KIAA0753: variants seen among roughly 807,000 people sequenced by gnomAD.
KIAA0753 encodes the protein KIAA0753.
KIAA0753 carries 114 observed loss-of-function variants against 116.9 expected under a neutral mutation model. That is an observed-to-expected ratio of 0.98 (90% confidence interval 0.84 to 1.14). The LOEUF (loss-of-function observed/expected upper bound fraction) is 1.14, where lower values mean the gene tolerates loss of function less well. Ranked by LOEUF, KIAA0753 falls within the 50% of genes most tolerant of loss-of-function variation. The probability of loss-of-function intolerance (pLI) is 0.00; values close to 1 mark genes in which losing one functional copy is unlikely to be tolerated. For synonymous variants in KIAA0753, 405 were observed against 413.1 expected (o/e 0.98, Z 0.24); for missense variants, 1,156 against 1,172.4 (o/e 0.99, Z 0.20).
intron 2 of KIAA0753, among the ~76,000 whole-genome samples, chr17:6,630,414 G>A (rs1971955515): frequency 1.3e-5 from 2 of 151,986 alleles, no homozygotes; most frequent in Admixed American, 1.3e-4. Context: ...CTTATGGAGG[G>A]GAATTTGGCA....
chr17:6,586,129 A>G (rs1485578648), intron 18 of KIAA0753, among the ~76,000 whole-genome samples: 1 of 151,316 alleles, frequency 6.6e-6, no homozygotes, highest in Non-Finnish European at 1.5e-5. Flanking sequence ...ATTCTCCCCC[A>G]CCCCTTGCTT....
intron 7 of KIAA0753, among the ~76,000 whole-genome samples, chr17:6,615,277 C>T (rs958310864): frequency 2.0e-5 from 3 of 152,060 alleles, no homozygotes; most frequent in African/African-American, 7.2e-5. Flanking sequence ...ACGCTCCCTG[C>T]CTGTTAGTCA....
intron 12 of KIAA0753, 40 bp downstream of exon 12, chr17:6,606,824 ATTAGAACAG>A: frequency 6.6e-7 from 1 of 1,512,208 alleles, no homozygotes. Context: ...ATCTAGATCA[ATTAGAACAG>A]GCAAACATCC....
intron 1 of KIAA0753, chr17:6,637,325 G>C (rs1972391235): frequency 2.0e-5 from 3 of 152,216 alleles, no homozygotes; most frequent in African/African-American, 7.2e-5. Context: ...CTTCTCCACA[G>C]GCCTGAGACA....
intron 12 of KIAA0753, among the ~76,000 whole-genome samples, chr17:6,601,527 A>G (rs1597500211): frequency 1.3e-5 from 2 of 152,344 alleles, no homozygotes; most frequent in East Asian, 3.9e-4. Context: ...GGAAAGACCT[A>G]AAGACCAACA....
chr17:6,582,900 A>G (rs7224377), intron 18 of KIAA0753, among the ~76,000 whole-genome samples: 99,314 of 152,128 alleles, frequency 0.65, 33,022 homozygotes, highest in African/African-American at 0.78. Context: ...ATTCTTACAT[A>G]CTATTGTTAC....
At chr17:6,593,017 GA>G (rs1183593441) in intron 16 of KIAA0753, among the ~76,000 whole-genome samples, 2 of 152,066 alleles carry the variant, frequency 1.3e-5, no homozygotes, top group Non-Finnish European at 2.9e-5. Context: ...TACTAAAAAC[GA>G]AAGAATTGTA....
At chr17:6,627,431 G>A (rs4796530) in intron 3 of KIAA0753, among the ~76,000 whole-genome samples, 21,217 of 152,098 alleles carry the variant, frequency 0.14, 2,349 homozygotes, top group East Asian at 0.37. Flanking sequence ...CTAGTGCAAC[G>A]GTTTCTTTTG....
In KIAA0753 at chr17:6,635,239, T is replaced by C. The variant is rs1972250412; in HGVS notation, c.-68-68A>G. 6 of 631,238 alleles carry C rather than the reference T, an allele frequency of 9.5e-6. No homozygotes were observed. In the East Asian group the frequency reaches 1.1e-4, roughly 11 times the overall value. The allele number at this position is 631,238 out of a possible 1,614,324, so 39.1% of individuals were successfully genotyped here. On this transcript the variant is annotated intron_variant, in intron 1 of 18. Coordinates refer to ENST00000361413, the MANE Select transcript of KIAA0753 (RefSeq NM_014804.3). The stretch of plus-strand genomic sequence containing the variant: ...AGGGAAAAGAACAGATAAAACACAG[T>C]GCCATGTGCATGTAGCAATATACTA...
In KIAA0753 at chr17:6,579,880, C is replaced by G; in HGVS notation, c.2787-16G>C. ...TTCTGAAAAGCTGGAAGACAAACAA[C>G]ACAACTAAAGGTATGTACAAGGCCA... On this transcript the variant is annotated splice_polypyrimidine_tract_variant and intron_variant, in intron 18 of 18. Coordinates refer to ENST00000361413, the MANE Select transcript of KIAA0753 (RefSeq NM_014804.3). 6.2e-7 allele frequency: 1 copy of G among 1,600,040 alleles called. No individual in the cohort carries two copies. Among genetic ancestry groups the G allele is most frequent in the Non-Finnish European group, 8.6e-7 (1 of 1,168,142 alleles).
At position 6,578,949 on chromosome 17, in the gene KIAA0753, C is replaced by T. The variant is rs960755398; in HGVS notation, c.*798G>A. On this transcript the variant is annotated 3_prime_UTR_variant, in exon 19 of 19. Coordinates refer to ENST00000361413, the MANE Select transcript of KIAA0753 (RefSeq NM_014804.3). The stretch of plus-strand genomic sequence containing the variant: ...TCCTTTGTGGTATGAAATAGAGACA[C>T]TTCTGACCTCATCGGAGACACAGCG... 2.6e-5 allele frequency: 4 copies of T among 152,084 alleles called. No homozygotes were observed. Among genetic ancestry groups the T allele is most frequent in the Non-Finnish European group, 5.9e-5 (4 of 68,004 alleles). The allele number at this position is 152,084 out of a possible 1,614,324, so 9.4% of individuals were successfully genotyped here.
At chr17:6,625,429 G>A (rs1035589724) in intron 3 of KIAA0753, among the ~76,000 whole-genome samples, 2 of 152,122 alleles carry the variant, frequency 1.3e-5, no homozygotes, top group African/African-American at 4.8e-5. Flanking sequence ...CACTTTGGGA[G>A]GCTGAGATGG....
At chr17:6,613,180 A>C (rs146612149) in intron 7 of KIAA0753, among the ~76,000 whole-genome samples, 224 of 152,310 alleles carry the variant, frequency 1.5e-3, no homozygotes, top group African/African-American at 5.2e-3. Flanking sequence ...ATAAGAAAAA[A>C]ATCTCATTAA....
At chr17:6,618,829 A>C (rs1348045629) in intron 7 of KIAA0753, among the ~76,000 whole-genome samples, 1 of 152,246 alleles carries the variant, frequency 6.6e-6, no homozygotes, top group Admixed American at 6.5e-5. Context: ...CAAAGAAAAA[A>C]ACTTCGGCAA....
rs113598511 is a variant in KIAA0753, at chr17:6,584,759, A to G, written c.2787-4895T>C. 1.3e-3 allele frequency among the ~76,000 whole-genome samples: 193 copies of G among 152,328 alleles called. 1 individual carries two copies. The highest frequency in any genetic ancestry group is 4.3e-3 in the African/African-American group (180 of 41,568). ...TACTAAAACTCAAGTCTTCCTCTTT[A>G]TGTACATCTTGCATTGGTAATCTAG... On this transcript the variant is annotated intron_variant, in intron 18 of 18. Transcript: ENST00000361413.
At chr17:6,596,457 G>T in intron 14 of KIAA0753, 114 bp from the exon 15 acceptor site, 1 of 804,618 alleles carries the variant, frequency 1.2e-6, no homozygotes, top group Non-Finnish European at 1.9e-6. Context: ...TAAACCAACA[G>T]CATACAGATC....
At chr17:6,581,277 TG>T (rs1427920423) in intron 18 of KIAA0753, among the ~76,000 whole-genome samples, 1 of 151,790 alleles carries the variant, frequency 6.6e-6, no homozygotes, top group Non-Finnish European at 1.5e-5. Context: ...AGCCTTTTTT[TG>T]GGGGGGTGGG....
intron 18 of KIAA0753, among the ~76,000 whole-genome samples, chr17:6,582,440 A>G (rs1439690832): frequency 5.9e-5 from 9 of 152,248 alleles, no homozygotes; most frequent in African/African-American, 1.9e-4. Flanking sequence ...AGAAACATTA[A>G]CATGGTTTCA....
At chr17:6,611,868 G>A (rs1304556620) in intron 8 of KIAA0753, 51 bp downstream of exon 8, 2 of 1,500,002 alleles carry the variant, frequency 1.3e-6, no homozygotes, top group African/African-American at 2.8e-5. Context: ...ATGTGACCTT[G>A]ACAATGTCAG....
Sources: allele counts gnomAD v4.1 joint callset (sites outside exome capture counted in the v4.1 genomes callset), GRCh38; gene constraint gnomAD v4.1.1; transcripts MANE v1.5; gene names NCBI Gene and HGNC (gene_info 2026-07-23, HGNC 2026-07-21).